Variants in PTPRN2 observed in about 807,000 individuals in gnomAD.
PTPRN2 encodes the protein protein tyrosine phosphatase receptor type N2.
Under a neutral mutation model 118.8 loss-of-function variants are expected in PTPRN2, and 74 were observed. That is an observed-to-expected ratio of 0.62 (90% confidence interval 0.52 to 0.76). The LOEUF is 0.76. Among genes scored for constraint, PTPRN2 ranks in the 30% least tolerant of loss-of-function variants. The probability of loss-of-function intolerance (pLI) is 0.00; values close to 1 mark genes in which losing one functional copy is unlikely to be tolerated. For synonymous variants in PTPRN2, 641 were observed against 608.0 expected (o/e 1.05, Z -0.80); for missense variants, 1,481 against 1,394.4 (o/e 1.06, Z -0.99).
chr7:158,488,611 G>A (rs886927147), intron 2 of PTPRN2, among the ~76,000 whole-genome samples: 3 of 152,346 alleles, frequency 2.0e-5, no homozygotes, highest in Admixed American at 6.5e-5. Context: ...CCAGTGCAGG[G>A]GAGGCCTGTC....
chr7:158,576,699 C>G (rs572525970), intron 1 of PTPRN2, among the ~76,000 whole-genome samples: 5 of 152,330 alleles, frequency 3.3e-5, no homozygotes, highest in Non-Finnish European at 7.4e-5. Flanking sequence ...CATCTGGCTC[C>G]CAGTCCTGCC....
At chr7:157,930,087 A>C (rs552272874) in intron 11 of PTPRN2, among the ~76,000 whole-genome samples, 1 of 152,206 alleles carries the variant, frequency 6.6e-6, no homozygotes, top group East Asian at 1.9e-4. Flanking sequence ...GAATCACATC[A>C]CAAATGCAAT....
At chr7:157,709,519 C>T (rs1419996744) in intron 12 of PTPRN2, among the ~76,000 whole-genome samples, 1 of 152,134 alleles carries the variant, frequency 6.6e-6, no homozygotes, top group Non-Finnish European at 1.5e-5. Context: ...AGGCCGGGGA[C>T]CCTCCTTCCC....
chr7:157,740,889 G>A (rs1800597138), intron 12 of PTPRN2, among the ~76,000 whole-genome samples: 1 of 152,178 alleles, frequency 6.6e-6, no homozygotes, highest in African/African-American at 2.4e-5. Flanking sequence ...CTTTTTGAAA[G>A]TTCCCATTAG....
intron 1 of PTPRN2, among the ~76,000 whole-genome samples, chr7:158,548,466 C>T (rs1277405923): frequency 1.3e-5 from 2 of 152,162 alleles, no homozygotes; most frequent in Non-Finnish European, 2.9e-5. Flanking sequence ...GCCATGCTCC[C>T]GTTCCTACCT....
At chr7:157,651,217 G>T (rs1805634039) in intron 14 of PTPRN2, among the ~76,000 whole-genome samples, 1 of 152,188 alleles carries the variant, frequency 6.6e-6, no homozygotes, top group African/African-American at 2.4e-5. Context: ...GTCACTTCCT[G>T]CAATGCCTAA....
At chr7:158,151,514 T>TGCCTCTCCCCGCCCA (rs1563522262) in intron 6 of PTPRN2, among the ~76,000 whole-genome samples, 1 of 146,076 alleles carries the variant, frequency 6.8e-6, no homozygotes, top group African/African-American at 2.5e-5. Context: ...TTTCTGCTCC[T>TGCCTCTCCCCGCCCA]CACCGCACGT....
rs958915491 is a variant in PTPRN2, at chr7:157,540,343, C to T, written c.*371G>A. The T allele has an allele frequency of 1.3e-4, 24 of 179,026 alleles. No homozygotes were observed. Among genetic ancestry groups the T allele is most frequent in the African/African-American group, 5.7e-4 (24 of 42,070 alleles). The allele number at this position is 179,026 out of a possible 1,614,324, so 11.1% of individuals were successfully genotyped here. A position where few individuals can be genotyped will look rare whatever the true frequency, so the allele number is the denominator to read the frequency against. ...GCCACTCCTGCACAGTGGATCCACC[C>T]TCCCGAAAGTGGCAGATGACAAGCA... is the stretch of plus-strand genomic sequence containing the variant. On this transcript the variant is annotated 3_prime_UTR_variant, in exon 23 of 23. Coordinates refer to ENST00000389418, the MANE Select transcript of PTPRN2 (RefSeq NM_002847.5).
chr7:157,542,482 G>A (rs1490627884), intron 22 of PTPRN2, among the ~76,000 whole-genome samples: 1 of 150,668 alleles, frequency 6.6e-6, no homozygotes, highest in Non-Finnish European at 1.5e-5. Flanking sequence ...TCATGCAGTG[G>A]AGGCTGGAAA....
At chr7:157,902,881 G>A (rs1203672218) in intron 11 of PTPRN2, among the ~76,000 whole-genome samples, 2 of 152,160 alleles carry the variant, frequency 1.3e-5, no homozygotes, top group Non-Finnish European at 2.9e-5. Context: ...GCATCGTGGT[G>A]AGCTCCTAGC....
At chr7:158,532,658 G>C in intron 1 of PTPRN2, 1 of 518,812 alleles carries the variant, frequency 1.9e-6, no homozygotes, top group South Asian at 1.4e-5. Context: ...GACATGATGT[G>C]ATTAGAGGAA....
At chr7:157,847,511 C>T (rs112404315) in intron 12 of PTPRN2, among the ~76,000 whole-genome samples, 418 of 59,382 alleles carry the variant, frequency 7.0e-3, no homozygotes, top group Middle Eastern at 0.042. Context: ...CTCCATCATG[C>T]GTGCCCGATG....
intron 3 of PTPRN2, among the ~76,000 whole-genome samples, chr7:158,297,400 T>G (rs1800578109): frequency 6.6e-6 from 1 of 152,204 alleles, no homozygotes; most frequent in African/African-American, 2.4e-5. Context: ...GCCACAGTGA[T>G]GACACTGCAA....
chr7:157,803,014 G>A (rs1371748673), intron 12 of PTPRN2, among the ~76,000 whole-genome samples: 1 of 152,074 alleles, frequency 6.6e-6, no homozygotes, highest in African/African-American at 2.4e-5. Flanking sequence ...ATCCAGGCTG[G>A]AATGCAGTGG....
At chr7:158,469,817 C>T (rs1481504902) in intron 2 of PTPRN2, among the ~76,000 whole-genome samples, 6 of 147,416 alleles carry the variant, frequency 4.1e-5, no homozygotes, top group Admixed American at 6.8e-5. Context: ...GAGCTGGGAT[C>T]TGTCCTATTG....
intron 2 of PTPRN2, among the ~76,000 whole-genome samples, chr7:158,440,847 G>A (rs1207341076): frequency 5.7e-5 from 8 of 141,570 alleles, no homozygotes; most frequent in African/African-American, 1.0e-4. Context: ...TGGCAGTGAC[G>A]GGGGTGGTGG....
intron 7 of PTPRN2, 120 bp downstream of exon 7, chr7:158,138,174 C>T (rs1249746879): frequency 9.6e-6 from 8 of 831,480 alleles, no homozygotes; most frequent in East Asian, 5.3e-5. Context: ...TAATACAGAT[C>T]CCCATCTCCC....
chr7:158,203,604 A>C (rs1008940387), intron 4 of PTPRN2, among the ~76,000 whole-genome samples: 7 of 147,382 alleles, frequency 4.7e-5, no homozygotes, highest in African/African-American at 1.0e-4. Flanking sequence ...GCACCCCCCC[A>C]GAGTGAGGAG....
intron 2 of PTPRN2, among the ~76,000 whole-genome samples, chr7:158,320,199 A>ACAGCCTCCCTCACACACACACT (rs1802885656): frequency 6.9e-6 from 1 of 145,002 alleles, no homozygotes; most frequent in Non-Finnish European, 1.5e-5. Flanking sequence ...GTACACACAC[A>ACAGCCTCCCTCACACACACACT]GCCTCCCTCA....
Sources: allele counts gnomAD v4.1 joint callset (sites outside exome capture counted in the v4.1 genomes callset), GRCh38; gene constraint gnomAD v4.1.1; transcripts MANE v1.5; gene names NCBI Gene and HGNC (gene_info 2026-07-23, HGNC 2026-07-21).